RALGPS1: variants seen among roughly 807,000 people sequenced by gnomAD.
The protein encoded by RALGPS1 is Ral GEF with PH domain and SH3 binding motif 1.
A neutral mutation model predicts 78.8 loss-of-function variants in RALGPS1; 19 were observed. The ratio of observed to expected loss-of-function variants is 0.24; its 90% CI spans 0.17 to 0.35. RALGPS1 has a LOEUF of 0.35. RALGPS1 is among the 10% of genes least tolerant of loss of function. The probability of loss-of-function intolerance (pLI) is 1.00; values close to 1 mark genes in which losing one functional copy is unlikely to be tolerated. For synonymous variants in RALGPS1, 228 were observed against 256.3 expected, an observed-to-expected ratio of 0.89 and a Z score of 1.06; for missense variants, 454 against 688.3, an observed-to-expected ratio of 0.66 and a Z score of 3.81.
chr9:126,917,109 C>T (rs1414136543), intron 1 of RALGPS1, among the ~76,000 whole-genome samples: 1 of 152,002 alleles, frequency 6.6e-6, no homozygotes, highest in African/African-American at 2.4e-5. Flanking sequence ...GTGCTGGCCT[C>T]CCTCATTACC....
At chr9:127,197,505 T>C (rs28430402) in intron 13 of RALGPS1, among the ~76,000 whole-genome samples, 1 of 74,936 alleles carries the variant, frequency 1.3e-5, no homozygotes, top group South Asian at 5.8e-4. Context: ...AGCATGGGGG[T>C]GGGGGGCGGG....
intron 8 of RALGPS1, among the ~76,000 whole-genome samples, chr9:127,134,348 T>C (rs2057248937): frequency 6.6e-6 from 1 of 152,256 alleles, no homozygotes; most frequent in Non-Finnish European, 1.5e-5. Context: ...TGCCTGGCAC[T>C]GTGCTAGGTT....
intron 8 of RALGPS1, among the ~76,000 whole-genome samples, chr9:127,100,889 G>A (rs11795066): frequency 0.31 from 47,842 of 152,116 alleles, 9,595 homozygotes; most frequent in Non-Finnish European, 0.42. Context: ...AAATGCTCAC[G>A]AACCCTTTGT....
chr9:127,015,580 G>A (rs527275608), intron 4 of RALGPS1, among the ~76,000 whole-genome samples: 1 of 152,152 alleles, frequency 6.6e-6, no homozygotes, highest in Non-Finnish European at 1.5e-5. Flanking sequence ...CTGTATTCTC[G>A]TCCTGCCTGG....
At chr9:127,196,679 A>C in intron 13 of RALGPS1, 48 bp downstream of exon 13, 6 of 1,522,610 alleles carry the variant, frequency 3.9e-6, no homozygotes, top group Non-Finnish European at 5.3e-6. Flanking sequence ...CTGTAGGCCC[A>C]GCGTGTGCTC....
intron 1 of RALGPS1, among the ~76,000 whole-genome samples, chr9:126,960,154 C>G (rs745631946): frequency 1.4e-5 from 2 of 144,856 alleles, no homozygotes; most frequent in African/African-American, 2.6e-5. Context: ...TCTTCCCTTT[C>G]TTCCCTTCCT....
chr9:127,069,341 A>G lies in RALGPS1; in HGVS notation c.595A>G (p.Ser199Gly). ...TATCCGAAGCCTGAAGATGGTTCCA[A>G]GTATTCCCTATCTAGGTAGGAGTTT... is the stretch of plus-strand genomic sequence containing the variant. ...EYIRSLKMVP[S>G]IPYLGIYLLD... Residue 199 changes from serine (S) to glycine (G), a missense_variant, in exon 8 of 19, where the codon AGT becomes GGT. Physicochemically the swap from Ser to Gly is moderately conservative, Grantham distance 56. Transcript: ENST00000259351. 2 of 1,614,036 alleles carry G rather than the reference A, an allele frequency of 1.2e-6. No individual in the cohort carries two copies. The highest frequency in any genetic ancestry group is 1.1e-5 in the South Asian group (1 of 91,074).
chr9:126,959,281 C>CA (rs1210726233), intron 1 of RALGPS1, among the ~76,000 whole-genome samples: 3 of 152,158 alleles, frequency 2.0e-5, no homozygotes, highest in Non-Finnish European at 4.4e-5. Context: ...AGGCTGGTCT[C>CA]AAACTCCTGA....
intron 4 of RALGPS1, among the ~76,000 whole-genome samples, chr9:127,033,672 A>T (rs528823269): frequency 6.6e-6 from 1 of 152,300 alleles, no homozygotes; most frequent in East Asian, 1.9e-4. Flanking sequence ...AATGCTGGGC[A>T]TTTGGATGAT....
intron 1 of RALGPS1, among the ~76,000 whole-genome samples, chr9:126,940,532 C>T (rs1016344912): frequency 8.6e-5 from 13 of 151,470 alleles, no homozygotes; most frequent in Non-Finnish European, 1.8e-4. Context: ...CTCTGCCTCC[C>T]GGGTTCACGC....
At chr9:126,970,835 CAA>C (rs1588723189) in intron 3 of RALGPS1, among the ~76,000 whole-genome samples, 1 of 151,690 alleles carries the variant, frequency 6.6e-6, no homozygotes, top group African/African-American at 2.4e-5. Flanking sequence ...AGTTATTGTA[CAA>C]AAAAAGAGAC....
intron 8 of RALGPS1, chr9:127,087,490 C>G (rs1289605288): frequency 2.0e-5 from 3 of 152,658 alleles, no homozygotes; most frequent in Non-Finnish European, 4.4e-5. Context: ...TAGGCACACA[C>G]CCAGACATGG....
At chr9:126,946,939 G>C (rs1352663673) in intron 1 of RALGPS1, among the ~76,000 whole-genome samples, 1 of 152,192 alleles carries the variant, frequency 6.6e-6, no homozygotes, top group Non-Finnish European at 1.5e-5. Context: ...TGTTTTGGAA[G>C]GGGAGAACCT....
chr9:127,140,963 G>A (rs184949496), intron 8 of RALGPS1, among the ~76,000 whole-genome samples: 30 of 152,330 alleles, frequency 2.0e-4, no homozygotes, highest in African/African-American at 6.7e-4. Flanking sequence ...AGGAGTCAAG[G>A]TGCCTACAGG....
intron 1 of RALGPS1, among the ~76,000 whole-genome samples, chr9:126,936,923 C>T (rs537985735): frequency 4.0e-5 from 6 of 151,504 alleles, no homozygotes; most frequent in Non-Finnish European, 5.9e-5. Context: ...TACTGTCTCA[C>T]GAAAACCTCC....
chr9:126,942,000 AC>A (rs1373384363), intron 1 of RALGPS1, among the ~76,000 whole-genome samples: 1 of 152,072 alleles, frequency 6.6e-6, no homozygotes, highest in Non-Finnish European at 1.5e-5. Context: ...CCTCACACCA[AC>A]CCTCTAAGAA....
At chr9:126,971,593 G>A (rs890927370) in intron 3 of RALGPS1, among the ~76,000 whole-genome samples, 2 of 152,088 alleles carry the variant, frequency 1.3e-5, no homozygotes, top group South Asian at 2.1e-4. Context: ...AAAGTATAAA[G>A]GACACAAACA....
chr9:127,120,296 T>G (rs2055910274), intron 8 of RALGPS1, among the ~76,000 whole-genome samples: 1 of 152,228 alleles, frequency 6.6e-6, no homozygotes, highest in South Asian at 2.1e-4. Context: ...CTTCCTCCTG[T>G]AAGGTTGGTA....
At chr9:127,146,288 C>T (rs1414801023) in intron 8 of RALGPS1, among the ~76,000 whole-genome samples, 1 of 152,084 alleles carries the variant, frequency 6.6e-6, no homozygotes, top group Non-Finnish European at 1.5e-5. Flanking sequence ...GTGTACCCTG[C>T]GTTTAGCTCC....
Sources: gnomAD v4.1 joint callset for allele counts (sites outside exome capture counted in the v4.1 genomes callset) on GRCh38, gnomAD v4.1.1 for gene constraint, MANE v1.5 for transcripts, NCBI Gene and HGNC (gene_info 2026-07-23, HGNC 2026-07-21) for gene names.